MAGI1: variants seen among roughly 807,000 people sequenced by gnomAD.
MAGI1 encodes membrane-associated guanylate kinase, WW and PDZ domain-containing protein 1.
In MAGI1, 58 loss-of-function variants were observed where a neutral mutation model predicts 139.9. The ratio of observed to expected loss-of-function variants is 0.41; its 90% CI spans 0.34 to 0.52. MAGI1 has a LOEUF of 0.52. Ranked by LOEUF, MAGI1 falls within the 20% of genes least tolerant of loss-of-function variation. MAGI1 has a pLI of 0.12. For synonymous variants in MAGI1, 812 were observed against 737.9 expected (o/e 1.10, Z -1.63); for missense variants, 1,874 against 1,901.6 (o/e 0.99, Z 0.27).
intron 1 of MAGI1, among the ~76,000 whole-genome samples, chr3:65,759,676 C>A (rs902447178): frequency 1.3e-5 from 2 of 152,140 alleles, no homozygotes; most frequent in Non-Finnish European, 2.9e-5. Context: ...ATTTCCTTTT[C>A]TGTTATTAAA....
At chr3:65,992,464 T>G (rs2066233632) in intron 1 of MAGI1, among the ~76,000 whole-genome samples, 1 of 125,072 alleles carries the variant, frequency 8.0e-6, no homozygotes, top group South Asian at 2.5e-4. Context: ...AACAGTGAAC[T>G]GTGGTAGCTA....
At chr3:65,544,119 A>G (rs901957193) in intron 2 of MAGI1, among the ~76,000 whole-genome samples, 1 of 152,208 alleles carries the variant, frequency 6.6e-6, no homozygotes, top group Non-Finnish European at 1.5e-5. Context: ...TTACTGGATT[A>G]TAAAATTAAT....
At chr3:65,567,970 T>A (rs533122436) in intron 2 of MAGI1, among the ~76,000 whole-genome samples, 150 of 152,328 alleles carry the variant, frequency 9.8e-4, no homozygotes, top group African/African-American at 3.4e-3. Context: ...TCTTTGGTAG[T>A]TAAATGTTTC....
At chr3:65,467,971 G>A (rs1559581056) in intron 5 of MAGI1, among the ~76,000 whole-genome samples, 1 of 152,148 alleles carries the variant, frequency 6.6e-6, no homozygotes, top group East Asian at 1.9e-4. Context: ...AATAACAATA[G>A]TGATCACTAA....
At chr3:65,530,854 C>CATATAT (rs1553662044) in intron 2 of MAGI1, among the ~76,000 whole-genome samples, 1 of 108,176 alleles carries the variant, frequency 9.2e-6, no homozygotes, top group East Asian at 2.6e-4. Flanking sequence ...CACACACACA[C>CATATAT]ATATATATAT....
At chr3:65,446,941 TA>T (rs1254638718) in intron 7 of MAGI1, among the ~76,000 whole-genome samples, 2 of 152,224 alleles carry the variant, frequency 1.3e-5, no homozygotes, top group Non-Finnish European at 2.9e-5. Flanking sequence ...TATTCTATCA[TA>T]ATTCTAGCCA....
intron 4 of MAGI1, among the ~76,000 whole-genome samples, chr3:65,470,740 G>A (rs1268231793): frequency 6.6e-6 from 1 of 152,102 alleles, no homozygotes; most frequent in Non-Finnish European, 1.5e-5. Context: ...CCCAAGTAAT[G>A]CATTGCTCAC....
chr3:66,027,265 C>CAAAAAAAA (rs761343259), intron 1 of MAGI1, among the ~76,000 whole-genome samples: 1 of 69,830 alleles, frequency 1.4e-5, no homozygotes, highest in Non-Finnish European at 3.0e-5. Context: ...GACTCCGTCT[C>CAAAAAAAA]AAATAAATAA....
At chr3:65,996,050 C>A (rs2066431622) in intron 1 of MAGI1, among the ~76,000 whole-genome samples, 1 of 151,930 alleles carries the variant, frequency 6.6e-6, no homozygotes, top group Admixed American at 6.6e-5. Flanking sequence ...TAAAAAATAA[C>A]CAGAGTTCTA....
chr3:65,943,533 A>ATTG (rs2063411262), intron 1 of MAGI1, among the ~76,000 whole-genome samples: 1 of 150,490 alleles, frequency 6.6e-6, no homozygotes, highest in South Asian at 2.2e-4. Context: ...CAAGATCATC[A>ATTG]CTGCACTCCA....
chr3:65,984,513 TG>T (rs1343734399), intron 1 of MAGI1, among the ~76,000 whole-genome samples: 2 of 8,796 alleles, frequency 2.3e-4, no homozygotes, highest in Non-Finnish European at 6.2e-4. Flanking sequence ...CAAAATAAAA[TG>T]TGTGTGTGTG....
intron 1 of MAGI1, among the ~76,000 whole-genome samples, chr3:65,881,352 T>C (rs2060320092): frequency 6.6e-6 from 1 of 151,934 alleles, no homozygotes; most frequent in South Asian, 2.1e-4. Context: ...CAAAGCCAAG[T>C]GCAGTGGCTC....
intron 1 of MAGI1, among the ~76,000 whole-genome samples, chr3:65,630,195 T>C (rs559669180): frequency 6.6e-6 from 1 of 152,174 alleles, no homozygotes; most frequent in African/African-American, 2.4e-5. Flanking sequence ...AAACACCCTG[T>C]GAGCCCTGAG....
At chr3:65,553,279 C>A (rs1576300397) in intron 2 of MAGI1, among the ~76,000 whole-genome samples, 1 of 151,744 alleles carries the variant, frequency 6.6e-6, no homozygotes, top group Non-Finnish European at 1.5e-5. Context: ...ACATCAAACT[C>A]ACTTGGCCAC....
chr3:65,515,024 T>C lies in MAGI1; in HGVS notation c.431-21393A>G, dbSNP rs1007478223. Among the ~76,000 whole-genome samples, 4 of 144,936 alleles carry C rather than the reference T, an allele frequency of 2.8e-5. 1 individual carries two copies. The highest frequency in any genetic ancestry group is 4.7e-4 in the South Asian group (2 of 4,284). ...GTCCTTTATAGGGACATGGATGAAA[T>C]TGGAAATCATCATTCTCAGTAAACT... On this transcript the variant is annotated intron_variant, in intron 2 of 22. Coordinates refer to ENST00000402939, the MANE Select transcript of MAGI1 (RefSeq NM_001033057.2).
intron 1 of MAGI1, among the ~76,000 whole-genome samples, chr3:65,763,819 C>T (rs963599874): frequency 6.6e-6 from 1 of 151,670 alleles, no homozygotes; most frequent in African/African-American, 2.4e-5. Context: ...ATCTGTAATC[C>T]CAGCACTTTG....
intron 1 of MAGI1, among the ~76,000 whole-genome samples, chr3:65,736,121 C>A (rs574230161): frequency 1.3e-5 from 2 of 152,292 alleles, no homozygotes; most frequent in South Asian, 4.1e-4. Flanking sequence ...TTCAGAGAGC[C>A]GAAGGTTCAT....
chr3:65,983,335 G>A (rs1018378171), intron 1 of MAGI1, among the ~76,000 whole-genome samples: 1 of 152,184 alleles, frequency 6.6e-6, no homozygotes, highest in African/African-American at 2.4e-5. Flanking sequence ...CTTTGAAGCT[G>A]GGGAAAATTA....
At chr3:65,444,708 T>G (rs56368322) in intron 7 of MAGI1, among the ~76,000 whole-genome samples, 2,789 of 152,158 alleles carry the variant, frequency 0.018, 79 homozygotes, top group African/African-American at 0.064. Flanking sequence ...CCGAGGAGGG[T>G]ACTAGAAAAG....
Sources: gnomAD v4.1 joint callset for allele counts (sites outside exome capture counted in the v4.1 genomes callset) on GRCh38, gnomAD v4.1.1 for gene constraint, MANE v1.5 for transcripts, NCBI Gene and HGNC (gene_info 2026-07-23, HGNC 2026-07-21) for gene names.